The following USP32 variants were observed in gnomAD, a reference collection of about 807,000 sequenced individuals.
USP32 encodes ubiquitin specific peptidase 32.
A neutral mutation model predicts 204.8 loss-of-function variants in USP32; 59 were observed. The ratio of observed to expected loss-of-function variants is 0.29; its 90% CI spans 0.23 to 0.36. The LOEUF (loss-of-function observed/expected upper bound fraction) is 0.36. Ranked by LOEUF, USP32 falls within the 10% of genes least tolerant of loss-of-function variation. The probability of loss-of-function intolerance (pLI) is 1.00; values close to 1 mark genes in which losing one functional copy is unlikely to be tolerated. For missense variants in USP32, 1,160 were observed against 1,946.4 expected (o/e 0.60, Z 7.60); for synonymous variants, 517 against 678.4 (o/e 0.76, Z 3.70).
At chr17:60,293,054 C>T (rs1053666067) in intron 4 of USP32, among the ~76,000 whole-genome samples, 10 of 152,160 alleles carry the variant, frequency 6.6e-5, no homozygotes, top group African/African-American at 1.9e-4. Flanking sequence ...TTCTCACTTG[C>T]TATAAATTAT....
At chr17:60,385,501 C>A (rs1046771512) in intron 1 of USP32, among the ~76,000 whole-genome samples, 3 of 152,012 alleles carry the variant, frequency 2.0e-5, no homozygotes, top group Admixed American at 6.6e-5. Flanking sequence ...GCCAAGATTG[C>A]GCCACTACAC....
chr17:60,396,698 G>A (rs2089903465), upstream of USP32, among the ~76,000 whole-genome samples: 1 of 152,242 alleles, frequency 6.6e-6, no homozygotes, highest in East Asian at 1.9e-4. Flanking sequence ...AGACACACAG[G>A]ATTCCTAAAT....
chr17:60,253,356 C>T (rs978065098), intron 10 of USP32, among the ~76,000 whole-genome samples: 7 of 150,410 alleles, frequency 4.7e-5, no homozygotes, highest in African/African-American at 1.7e-4. Flanking sequence ...ACTGTTCATA[C>T]AAAAAGTTCG....
chr17:60,414,721 G>A (rs949441036), intron 1 of USP32, among the ~76,000 whole-genome samples: 7 of 152,102 alleles, frequency 4.6e-5, no homozygotes, highest in African/African-American at 7.2e-5. Flanking sequence ...GAGCCACCAC[G>A]CCCAGCCAGT....
intron 1 of USP32, among the ~76,000 whole-genome samples, chr17:60,366,716 C>A (rs529608188): frequency 1.1e-4 from 17 of 151,188 alleles, no homozygotes; most frequent in Admixed American, 1.1e-3. Context: ...TCCTGGGAAA[C>A]ACAGCAAGAC....
intron 2 of USP32, among the ~76,000 whole-genome samples, chr17:60,337,538 T>C (rs2088550654): frequency 6.6e-6 from 1 of 152,202 alleles, no homozygotes; most frequent in Non-Finnish European, 1.5e-5. Context: ...TGCACAGCAC[T>C]CTGGGGCATA....
At chr17:60,194,681 C>A (rs1240715896) in intron 27 of USP32, among the ~76,000 whole-genome samples, 3 of 152,162 alleles carry the variant, frequency 2.0e-5, no homozygotes, top group African/African-American at 7.2e-5. Flanking sequence ...CATATGTAAA[C>A]CCTCTCCAAA....
chr17:60,288,758 T>A (rs1319757546), intron 4 of USP32, 76 bp from the exon 5 acceptor site: 2 of 1,274,304 alleles, frequency 1.6e-6, no homozygotes, highest in Non-Finnish European at 2.2e-6. Context: ...AACCTGAAAT[T>A]TGCAATTAGT....
Position 60,212,224 on chromosome 17 carries a change from C to A in USP32, c.2105-126G>T, listed in dbSNP as rs987911981. On this transcript the variant is annotated intron_variant, in intron 18 of 33. Transcript: ENST00000300896. ...TTTTAAAATCTAGTTAATTTTAGTA[C>A]ATACATTGCTTAACGACGAGGTTAT... is the stretch of plus-strand genomic sequence containing the variant. The A allele has an allele frequency of 1.3e-5, 10 of 770,396 alleles. No homozygotes were observed. The Admixed American group carries it at 1.7e-4, about 13-fold the overall frequency. 47.7% of individuals were successfully genotyped at this position (770,396 alleles called of 1,614,324 possible). A position where few individuals can be genotyped will look rare whatever the true frequency, so the allele number is the denominator to read the frequency against.
intron 1 of USP32, among the ~76,000 whole-genome samples, chr17:60,418,489 A>C (rs184684069): frequency 1.3e-5 from 2 of 151,358 alleles, no homozygotes; most frequent in African/African-American, 4.9e-5. Context: ...AAGCAGTTTC[A>C]ACAAAAGCAA....
At chr17:60,365,116 T>C (rs1222622665) in intron 1 of USP32, among the ~76,000 whole-genome samples, 2 of 152,350 alleles carry the variant, frequency 1.3e-5, no homozygotes, top group East Asian at 3.9e-4. Flanking sequence ...TTCATTGTTT[T>C]CCAGTCTTCA....
At chr17:60,408,679 A>G (rs1032491963) in intron 1 of USP32, among the ~76,000 whole-genome samples, 7 of 152,092 alleles carry the variant, frequency 4.6e-5, no homozygotes, top group Admixed American at 4.6e-4. Context: ...TGCCCGGCCA[A>G]TCTGGCTCAA....
At chr17:60,193,217 A>G (rs1031217013) in intron 27 of USP32, among the ~76,000 whole-genome samples, 2 of 152,270 alleles carry the variant, frequency 1.3e-5, no homozygotes, top group African/African-American at 4.8e-5. Flanking sequence ...TAAGCTAATC[A>G]TGAAATCAAA....
intron 9 of USP32, among the ~76,000 whole-genome samples, chr17:60,259,463 T>C (rs971486718): frequency 6.6e-6 from 1 of 151,696 alleles, no homozygotes; most frequent in African/African-American, 2.4e-5. Flanking sequence ...CGCCCTTCAG[T>C]GGGATGGAGT....
intron 9 of USP32, among the ~76,000 whole-genome samples, chr17:60,259,545 C>T (rs1327908237): frequency 6.6e-6 from 1 of 152,086 alleles, no homozygotes; most frequent in Non-Finnish European, 1.5e-5. Flanking sequence ...CTAACCTGAA[C>T]TGGAATAAGC....
chr17:60,343,961 G>A (rs184735859), intron 2 of USP32, among the ~76,000 whole-genome samples: 206 of 151,948 alleles, frequency 1.4e-3, no homozygotes, highest in African/African-American at 4.8e-3. Context: ...TTGAACCTGG[G>A]AGGCGAAACT....
intron 8 of USP32, 133 bp from the exon 9 acceptor site, chr17:60,265,607 A>C: frequency 1.6e-6 from 1 of 634,466 alleles, no homozygotes; most frequent in Non-Finnish European, 2.7e-6. Context: ...TACGTTGCCC[A>C]GGATTATCTC....
At chr17:60,276,906 C>T (rs1310960906) in intron 5 of USP32, among the ~76,000 whole-genome samples, 2 of 150,078 alleles carry the variant, frequency 1.3e-5, no homozygotes, top group African/African-American at 5.0e-5. Flanking sequence ...ATTCCTCAAT[C>T]AAACATTTGT....
chr17:60,329,992 GT>G (rs1437861701), intron 2 of USP32, among the ~76,000 whole-genome samples: 1 of 152,136 alleles, frequency 6.6e-6, no homozygotes, highest in Non-Finnish European at 1.5e-5. Flanking sequence ...CTTCACACTG[GT>G]TTAAAATAAT....
Sources: allele counts gnomAD v4.1 joint callset (sites outside exome capture counted in the v4.1 genomes callset), GRCh38; gene constraint gnomAD v4.1.1; transcripts MANE v1.5; gene names NCBI Gene and HGNC (gene_info 2026-07-23, HGNC 2026-07-21).